The following DIDO1 variants were observed in gnomAD, a reference collection of about 807,000 sequenced individuals.
DIDO1 encodes death-inducer obliterator 1.
DIDO1 carries 16 observed loss-of-function variants against 99.4 expected under a neutral mutation model. The observed-to-expected ratio is 0.16, with a 90% confidence interval of 0.11 to 0.24. The LOEUF is 0.24. Ranked by LOEUF, DIDO1 falls within the 10% of genes least tolerant of loss-of-function variation. DIDO1 has a pLI of 1.00. For missense variants in DIDO1, 2,996 were observed against 3,014.0 expected, an observed-to-expected ratio of 0.99 and a Z score of 0.14; for synonymous variants, 1,366 against 1,239.1, an observed-to-expected ratio of 1.10 and a Z score of -2.15.
chr20:62,904,780 C>CAAA (rs58039393), intron 6 of DIDO1, among the ~76,000 whole-genome samples: 711 of 62,568 alleles, frequency 0.011, 62 homozygotes, highest in African/African-American at 0.037. Context: ...ACTCTTGTCT[C>CAAA]AAAAAAAAAA....
chr20:62,922,479 A>C (rs2065174145), intron 1 of DIDO1, among the ~76,000 whole-genome samples: 1 of 152,084 alleles, frequency 6.6e-6, no homozygotes, highest in Admixed American at 6.5e-5. Flanking sequence ...TGCAGGGTTC[A>C]ACCCCAGCTG....
intron 1 of DIDO1, among the ~76,000 whole-genome samples, chr20:62,922,019 AATATATATCCACACG>A (rs373103848): frequency 0.019 from 2,776 of 149,588 alleles, 82 homozygotes; most frequent in African/African-American, 0.063. Context: ...ATATCCACAC[AATATATATCCACACG>A]ATATATATAC....
At chr20:62,908,439 G>C (rs1381731984) in intron 4 of DIDO1, among the ~76,000 whole-genome samples, 1 of 152,152 alleles carries the variant, frequency 6.6e-6, no homozygotes, top group Admixed American at 6.5e-5. Context: ...ATAAATGTGA[G>C]CTCCTTCAAG....
In DIDO1 at chr20:62,880,466, G is replaced by A. The variant is rs773182757; in HGVS notation, c.5490C>T (p.Tyr1830=). Residue 1830 remains tyrosine (Y), a synonymous_variant, in exon 16 of 16, where the codon TAC becomes TAT. Coordinates refer to ENST00000395343, the MANE Select transcript of DIDO1 (RefSeq NM_001193369.2). ...GTGCCACTCCTCGTGGTCCACCAAGGTAAGAGGGTGAGGGGCCTCTGCTGT... is the reference window on the plus strand; with the variant it reads ...GTGCCACTCCTCGTGGTCCACCAAGATAAGAGGGTGAGGGGCCTCTGCTGT... The part of the protein sequence containing the change: ...YGDSRGPSPS[Y]LGGPRGVAPS... 3 of 1,612,942 alleles carry A rather than the reference G, an allele frequency of 1.9e-6. No individual in the cohort carries two copies. Among genetic ancestry groups the A allele is most frequent in the South Asian group, 2.2e-5 (2 of 91,084 alleles).
rs746312682 is a variant in DIDO1, at chr20:62,894,042, CA to C, written c.2724del (p.Glu909LysfsTer8). 6.2e-7 allele frequency: 1 copy of C among 1,614,248 alleles called. No individual in the cohort carries two copies. On this transcript the variant is annotated frameshift_variant, in exon 12 of 16. Coordinates refer to ENST00000395343, the MANE Select transcript of DIDO1 (RefSeq NM_001193369.2). LOFTEE classifies it high-confidence loss of function. This position sits in a 1 kb window ranked among gnomAD's most constrained non-coding sequence, Gnocchi z 4.4. ...TCTAGGCCTGGCTCAGAGGCAACTT[CA>C]GGCACAGCCTCCGGCATCACCTCAT... Reference protein sequence around the residue: ...SADEVMPEAVPEVASEPGLES... With the variant: ...SADEVMPEAVXEVASEPGLES...
At position 62,880,812 on chromosome 20, in the gene DIDO1, G is replaced by A. The variant is rs1287470080; in HGVS notation, c.5144C>T (p.Pro1715Leu). Reference sequence around the variant, plus strand: ...TCTGTCCCCCTCTGTTTCACCTGCAGGGCTGCTGCTCCTTCCAGCAGAATG... The same window carrying A: ...TCTGTCCCCCTCTGTTTCACCTGCAAGGCTGCTGCTCCTTCCAGCAGAATG... ...NLHSAGRSSS[P>L]AGETEGDREP... The change falls in exon 16 of 16, where the codon CCT becomes CTT. Residue 1715 changes from proline to leucine, a missense_variant. Physicochemically the swap from Pro to Leu is moderately conservative, Grantham distance 98. This residue lies in a region of DIDO1 where 1,562 missense variants were observed against 1,412.6 expected (regional missense o/e 1.11). Coordinates refer to ENST00000395343, the MANE Select transcript of DIDO1 (RefSeq NM_001193369.2). 8.1e-6 allele frequency: 13 copies of A among 1,612,656 alleles called. No individual in the cohort carries two copies. Among genetic ancestry groups the A allele is most frequent in the Non-Finnish European group, 1.1e-5 (13 of 1,179,968 alleles).
At chr20:62,901,491 T>C (rs2064679504) in intron 6 of DIDO1, among the ~76,000 whole-genome samples, 1 of 152,178 alleles carries the variant, frequency 6.6e-6, no homozygotes, top group Admixed American at 6.5e-5. Flanking sequence ...ACACGAGTAA[T>C]TTAACCTTTA....
chr20:62,887,071 G>A (rs756412808), intron 15 of DIDO1: 29 of 978,074 alleles, frequency 3.0e-5, no homozygotes, highest in Non-Finnish European at 3.5e-5. Flanking sequence ...AGCCTGCACT[G>A]CGTCCTCTCC....
At chr20:62,902,048 GA>G (rs2064694712) in intron 6 of DIDO1, among the ~76,000 whole-genome samples, 2 of 151,972 alleles carry the variant, frequency 1.3e-5, no homozygotes, top group Admixed American at 1.3e-4. Context: ...AATTCAGGGG[GA>G]CCGATCCTGC....
At chr20:62,898,569 G>A (rs1421389637) in intron 6 of DIDO1, among the ~76,000 whole-genome samples, 2 of 152,150 alleles carry the variant, frequency 1.3e-5, no homozygotes, top group African/African-American at 4.8e-5. Context: ...CTAAGTAAAG[G>A]CAAATCCTGT....
upstream of DIDO1, among the ~76,000 whole-genome samples, chr20:62,926,920 G>A (rs1405096941): frequency 1.3e-5 from 2 of 152,176 alleles, no homozygotes; most frequent in South Asian, 2.1e-4. Flanking sequence ...GCGGGGACAG[G>A]GGATAAAAGA....
At chr20:62,897,535 T>C (rs1001122784) in intron 6 of DIDO1, among the ~76,000 whole-genome samples, 2 of 152,188 alleles carry the variant, frequency 1.3e-5, no homozygotes, top group Non-Finnish European at 2.9e-5. Flanking sequence ...AAAGCTGGCA[T>C]ACACCTGAAC....
Position 62,879,104 on chromosome 20 carries a change from A to G in DIDO1, c.*129T>C, listed in dbSNP as rs970753542. On this transcript the variant is annotated 3_prime_UTR_variant, in exon 16 of 16. Coordinates refer to ENST00000395343, the MANE Select transcript of DIDO1 (RefSeq NM_001193369.2). This position sits in a 1 kb window ranked among gnomAD's most constrained non-coding sequence, Gnocchi z 6.3. ...AAATCTTGTAAGAAACCATTTACAC[A>G]AAATTACAGTAATGTTTAAGTCCAG... is the stretch of plus-strand genomic sequence containing the variant. The G allele has an allele frequency of 1.3e-5, 11 of 830,850 alleles. No individual in the cohort carries two copies. In the African/African-American group the frequency reaches 2.0e-4, roughly 15 times the overall value. 51.5% of individuals were successfully genotyped at this position (830,850 alleles called of 1,614,324 possible). A position where few individuals can be genotyped will look rare whatever the true frequency, so the allele number is the denominator to read the frequency against.
chr20:62,881,224 G>C lies in DIDO1; in HGVS notation c.4732C>G (p.Leu1578Val). ...GCACCACGTGCCGAGAGCCTGGAGA[G>C]AGGCTCCCCCTCCCCCTCACCGGTC... ...TETGEGEGEP[L>V]SRLSARGAQG... The change falls in exon 16 of 16, where the codon CTC becomes GTC. Residue 1578 changes from leucine (L) to valine (V), a missense_variant. Leu to Val is a conservative substitution (Grantham distance 32). This residue lies in a region of DIDO1 where 1,562 missense variants were observed against 1,412.6 expected (regional missense o/e 1.11). Coordinates refer to ENST00000395343, the MANE Select transcript of DIDO1 (RefSeq NM_001193369.2). The surrounding 1 kb of genome is among the most constrained non-coding windows in gnomAD (Gnocchi z 8.3). 1 of 1,604,378 alleles carries C rather than the reference G, an allele frequency of 6.2e-7. No individual in the cohort carries two copies. Among genetic ancestry groups the C allele is most frequent in the South Asian group, 1.1e-5 (1 of 90,702 alleles).
intron 1 of DIDO1, among the ~76,000 whole-genome samples, chr20:62,921,191 C>T (rs574639882): frequency 2.4e-4 from 36 of 152,176 alleles, no homozygotes; most frequent in South Asian, 6.2e-4. Context: ...CCACCGTGCC[C>T]GGCTGGTTTC....
chr20:62,920,677 C>T (rs1436788898), intron 1 of DIDO1, among the ~76,000 whole-genome samples: 1 of 152,230 alleles, frequency 6.6e-6, no homozygotes, highest in Non-Finnish European at 1.5e-5. Flanking sequence ...GTCTGCACAA[C>T]ACCAACATTC....
At position 62,880,144 on chromosome 20, in the gene DIDO1, G is replaced by A. The variant is rs773773031; in HGVS notation, c.5812C>T (p.Arg1938Trp). The change falls in exon 16 of 16, where the codon CGG becomes TGG. Residue 1938 changes from arginine (R) to tryptophan (W), a missense_variant. Transcript: ENST00000395343. ...TCAAACTGGTTGGGATGAGGGCCCC[G>A]GGCAGTTTCAAACTGACTAGGATGG... is the stretch of plus-strand genomic sequence containing the variant. ...GPHPSQFETA[R>W]GPHPNQFEGP... is the part of the protein sequence containing the mutation. The A allele has an allele frequency of 1.2e-6, 2 of 1,612,556 alleles. No individual in the cohort carries two copies. Among genetic ancestry groups the A allele is most frequent in the East Asian group, 2.2e-5 (1 of 44,860 alleles).
In DIDO1 at chr20:62,881,032, T is replaced by C. The variant is rs760502867; in HGVS notation, c.4924A>G (p.Thr1642Ala). 1.9e-6 allele frequency: 3 copies of C among 1,558,978 alleles called. No individual in the cohort carries two copies. The East Asian group carries it at 7.1e-5, about 37-fold the overall frequency. Residue 1642 changes from threonine to alanine, a missense_variant, in exon 16 of 16, where the codon ACC becomes GCC. Thr to Ala is a moderately conservative substitution (Grantham distance 58). This residue lies in a region of DIDO1 where 1,562 missense variants were observed against 1,412.6 expected (regional missense o/e 1.11). Coordinates refer to ENST00000395343, the MANE Select transcript of DIDO1 (RefSeq NM_001193369.2). This position sits in a 1 kb window ranked among gnomAD's most constrained non-coding sequence, Gnocchi z 8.3. ...DGWKAEPGEG[T>A]RPATVGDSSA... ...CTGTCTCCAACCGTGGCGGGGCGGG[T>C]GCCCTCCCCAGGCTCTGCCTTCCAG...
chr20:62,908,902 G>A (rs1216032119), intron 4 of DIDO1, among the ~76,000 whole-genome samples: 2 of 152,194 alleles, frequency 1.3e-5, no homozygotes, highest in Non-Finnish European at 1.5e-5. Flanking sequence ...AAGACATAAA[G>A]CCAATGACTT....
Sources: allele counts gnomAD v4.1 joint callset (sites outside exome capture counted in the v4.1 genomes callset), GRCh38; gene constraint gnomAD v4.1.1; regional missense constraint gnomAD v4.1.1; non-coding constraint Gnocchi (gnomAD v3.1); transcripts MANE v1.5; gene names NCBI Gene and HGNC (gene_info 2026-07-23, HGNC 2026-07-21).